Variants in ROBO1 observed in about 807,000 individuals in gnomAD.
ROBO1 encodes roundabout homolog 1.
ROBO1 carries 149 observed loss-of-function variants against 195.9 expected under a neutral mutation model. The ratio of observed to expected loss-of-function variants is 0.76; its 90% CI spans 0.67 to 0.87. The LOEUF (loss-of-function observed/expected upper bound fraction) is 0.87, where lower values mean the gene tolerates loss of function less well. ROBO1 is among the 40% of genes least tolerant of loss of function. The pLI is 0.00. For synonymous variants in ROBO1, 816 were observed against 733.2 expected, an observed-to-expected ratio of 1.11 and a Z score of -1.82; for missense variants, 1,933 against 2,068.3, an observed-to-expected ratio of 0.93 and a Z score of 1.27.
At chr3:79,767,598 C>T (rs911324404) in intron 1 of ROBO1, among the ~76,000 whole-genome samples, 154 bp downstream of exon 1, 2 of 152,184 alleles carry the variant, frequency 1.3e-5, no homozygotes, top group Non-Finnish European at 2.9e-5. Context: ...CCCCAAAACA[C>T]CCTGGCGCAT....
intron 4 of ROBO1, among the ~76,000 whole-genome samples, chr3:78,823,035 CT>C (rs1468806696): frequency 2.0e-5 from 3 of 152,172 alleles, no homozygotes; most frequent in African/African-American, 7.2e-5. Context: ...TACTTCATTG[CT>C]TTTCACTAAC....
At chr3:79,036,921 T>C (rs569401161) in intron 3 of ROBO1, among the ~76,000 whole-genome samples, 1 of 152,304 alleles carries the variant, frequency 6.6e-6, no homozygotes, top group African/African-American at 2.4e-5. Context: ...AGAGAAATGT[T>C]GCAGATTCTC....
chr3:78,863,592 C>G (rs540555606), intron 4 of ROBO1, among the ~76,000 whole-genome samples: 7 of 152,178 alleles, frequency 4.6e-5, no homozygotes, highest in African/African-American at 1.7e-4. Context: ...AGGACTAAAG[C>G]CAAAAATTAC....
intron 4 of ROBO1, among the ~76,000 whole-genome samples, chr3:78,849,614 T>A (rs115526965): frequency 0.012 from 1,880 of 151,564 alleles, 43 homozygotes; most frequent in African/African-American, 0.043. Context: ...AAAATAAGTT[T>A]TATATATATA....
At chr3:79,680,350 T>C (rs78870204) in intron 1 of ROBO1, among the ~76,000 whole-genome samples, 4,401 of 152,138 alleles carry the variant, frequency 0.029, 168 homozygotes, top group African/African-American at 0.087. Context: ...CAGTCATTTC[T>C]TTAACAGGAA....
chr3:78,870,738 G>A (rs1165997944), intron 4 of ROBO1, among the ~76,000 whole-genome samples: 4 of 152,162 alleles, frequency 2.6e-5, no homozygotes, highest in Admixed American at 1.3e-4. Context: ...TCCTCTGGGA[G>A]TGAACACAAG....
chr3:79,106,527 T>C (rs2079783807), intron 3 of ROBO1, among the ~76,000 whole-genome samples: 2 of 151,630 alleles, frequency 1.3e-5, no homozygotes, highest in Admixed American at 1.3e-4. Flanking sequence ...CCTCATGTAT[T>C]ATATTAATAT....
At chr3:79,668,083 C>A (rs1241324004) in intron 1 of ROBO1, among the ~76,000 whole-genome samples, 1 of 151,786 alleles carries the variant, frequency 6.6e-6, no homozygotes, top group African/African-American at 2.4e-5. Flanking sequence ...ATACAACAGA[C>A]AGGTGACACT....
Position 79,279,303 on chromosome 3 carries a change from CAACAA to C in ROBO1, c.89-153769_89-153765del, listed in dbSNP as rs146849336. ...CAAACAAACAAAAAAACAAAAACAA[CAACAA>C]AACAAAACAAAAGACAAATGATTTG... On this transcript the variant is annotated intron_variant, in intron 2 of 30. Coordinates refer to ENST00000464233, the MANE Select transcript of ROBO1 (RefSeq NM_002941.4). Among the ~76,000 whole-genome samples the C allele has an allele frequency of 8.9e-3, 1,355 of 151,794 alleles. 25 individuals carry two copies. The highest frequency in any genetic ancestry group is 0.031 in the African/African-American group (1,277 of 41,454).
Position 78,729,535 on chromosome 3 carries a change from T to C in ROBO1, c.658-11652A>G, listed in dbSNP as rs545252108. On this transcript the variant is annotated intron_variant, in intron 5 of 30. Coordinates refer to ENST00000464233, the MANE Select transcript of ROBO1 (RefSeq NM_002941.4). ...TTTTCCTGGGCTAGACAGAGGTACG[T>C]AGCCTAAAGCAATCAACCAGGAAAG... Among the ~76,000 whole-genome samples, 53 of 152,326 alleles carry C rather than the reference T, an allele frequency of 3.5e-4. No homozygotes were observed. The South Asian group carries it at 0.01, about 30-fold the overall frequency.
At position 79,529,848 on chromosome 3, in the gene ROBO1, G is replaced by A. The variant is rs1284441553; in HGVS notation, c.88+59976C>T. On this transcript the variant is annotated intron_variant, in intron 2 of 30. Coordinates refer to ENST00000464233, the MANE Select transcript of ROBO1 (RefSeq NM_002941.4). ...GAAATCAGAACAAAGTAGTGAAAAT[G>A]TATTGTTTAATTAGAATGTAATAAA... Among the ~76,000 whole-genome samples the A allele has an allele frequency of 2.0e-5, 3 of 152,158 alleles. No individual in the cohort carries two copies. In the East Asian group the frequency reaches 5.8e-4, roughly 29 times the overall value.
chr3:79,627,988 A>G (rs942122201), intron 1 of ROBO1, among the ~76,000 whole-genome samples: 6 of 152,124 alleles, frequency 3.9e-5, no homozygotes, highest in African/African-American at 9.7e-5. Context: ...GAAACAATAC[A>G]TGCTGGTGAG....
intron 3 of ROBO1, among the ~76,000 whole-genome samples, chr3:79,103,544 G>T (rs1324574972): frequency 1.3e-5 from 2 of 151,736 alleles, no homozygotes; most frequent in Non-Finnish European, 2.9e-5. Flanking sequence ...CTATGCATTT[G>T]CTAATGTTCT....
intron 1 of ROBO1, among the ~76,000 whole-genome samples, chr3:79,763,704 T>C (rs1400625919): frequency 6.6e-6 from 1 of 152,108 alleles, no homozygotes; most frequent in African/African-American, 2.4e-5. Flanking sequence ...CCCCCAGAGA[T>C]GATACAGGCA....
intron 4 of ROBO1, among the ~76,000 whole-genome samples, chr3:78,884,528 G>A (rs1322249137): frequency 6.6e-6 from 1 of 151,226 alleles, no homozygotes; most frequent in Non-Finnish European, 1.5e-5. Context: ...GAGATGGGAG[G>A]ATTGCCCCTC....
At chr3:79,333,814 T>C (rs1249960892) in intron 2 of ROBO1, among the ~76,000 whole-genome samples, 1 of 152,206 alleles carries the variant, frequency 6.6e-6, no homozygotes, top group Non-Finnish European at 1.5e-5. Context: ...CAAGTTTCTC[T>C]TTCTCTCTGT....
At position 79,301,031 on chromosome 3, in the gene ROBO1, C is replaced by A. The variant is rs193271990; in HGVS notation, c.89-175492G>T. Among the ~76,000 whole-genome samples the A allele has an allele frequency of 2.0e-5, 3 of 152,166 alleles. No homozygotes were observed. In the South Asian group the frequency reaches 6.2e-4, roughly 32 times the overall value. On this transcript the variant is annotated intron_variant, in intron 2 of 30. Transcript: ENST00000464233. The stretch of plus-strand genomic sequence containing the variant: ...GATAAGTGAATAAAAGCAGGCTGCC[C>A]GAGCCAGCAGTGGCAACCCTCTCGG...
chr3:79,535,183 C>T (rs1031668359), intron 2 of ROBO1, among the ~76,000 whole-genome samples: 1 of 152,062 alleles, frequency 6.6e-6, no homozygotes, highest in Non-Finnish European at 1.5e-5. Flanking sequence ...AGCAACAAAT[C>T]TTCTGGGGAT....
chr3:78,876,961 T>C (rs762379645), intron 4 of ROBO1, among the ~76,000 whole-genome samples: 2 of 152,082 alleles, frequency 1.3e-5, no homozygotes, highest in Non-Finnish European at 2.9e-5. Flanking sequence ...ACTGCATGAG[T>C]TTGTTTAAGG....
Sources: allele counts gnomAD v4.1 joint callset (sites outside exome capture counted in the v4.1 genomes callset), GRCh38; gene constraint gnomAD v4.1.1; transcripts MANE v1.5; gene names NCBI Gene and HGNC (gene_info 2026-07-23, HGNC 2026-07-21).